KIAA0319L: variants seen among roughly 807,000 people sequenced by gnomAD.
KIAA0319L encodes the protein dyslexia-associated protein KIAA0319-like protein.
In KIAA0319L, 55 loss-of-function variants were observed where a neutral mutation model predicts 120.1. That is an observed-to-expected ratio of 0.46 (90% CI 0.37 to 0.57). The LOEUF (loss-of-function observed/expected upper bound fraction) is 0.57, where lower values mean the gene tolerates loss of function less well. KIAA0319L is among the 20% of genes least tolerant of loss of function. KIAA0319L has a pLI of 0.00. For missense variants in KIAA0319L, 1,049 were observed against 1,255.3 expected, an observed-to-expected ratio of 0.84 and a Z score of 2.48; for synonymous variants, 398 against 471.9, an observed-to-expected ratio of 0.84 and a Z score of 2.03.
rs1178911135 is a variant in KIAA0319L, at chr1:35,449,927, T to G, written c.2293A>C (p.Lys765Gln). Reference sequence around the variant, plus strand: ...CTCTCACCCTTTGCATCGGTCACTTTCAGGTGAAAAGTGTAGGTTCCCTCA... The same window carrying G: ...CTCTCACCCTTTGCATCGGTCACTTGCAGGTGAAAAGTGTAGGTTCCCTCA... ...LVEGTYTFHLKVTDAKGESDT... is the reference protein window; with the variant it reads ...LVEGTYTFHLQVTDAKGESDT... Residue 765 changes from lysine (K) to glutamine (Q), a missense_variant, in exon 15 of 21, where the codon AAA becomes CAA. Coordinates refer to ENST00000325722, the MANE Select transcript of KIAA0319L (RefSeq NM_024874.5). 1 of 1,614,042 alleles carries G rather than the reference T, an allele frequency of 6.2e-7. No homozygotes were observed. The highest frequency in any genetic ancestry group is 1.3e-5 in the African/African-American group (1 of 74,902).
At chr1:35,454,655 G>C in intron 10 of KIAA0319L, 170 bp from the exon 11 acceptor site, 1 of 1,402,314 alleles carries the variant, frequency 7.1e-7, no homozygotes, top group Non-Finnish European at 9.3e-7. Context: ...ATATCATGAG[G>C]CACCTTGCTA....
intron 2 of KIAA0319L, among the ~76,000 whole-genome samples, chr1:35,508,609 G>A (rs1279086527): frequency 6.6e-6 from 1 of 151,658 alleles, no homozygotes; most frequent in African/African-American, 2.4e-5. Flanking sequence ...AAAAAAAGAT[G>A]AAGAATACCA....
intron 4 of KIAA0319L, among the ~76,000 whole-genome samples, chr1:35,476,449 G>A (rs529563019): frequency 3.9e-5 from 6 of 152,302 alleles, no homozygotes; most frequent in Admixed American, 2.0e-4. Flanking sequence ...CCTGGGAGGC[G>A]AGAAGGGCTT....
intron 20 of KIAA0319L, among the ~76,000 whole-genome samples, chr1:35,435,868 T>C (rs1640747163): frequency 6.6e-6 from 1 of 152,174 alleles, no homozygotes; most frequent in South Asian, 2.1e-4. Flanking sequence ...GGCTGCCCTC[T>C]GGCTGGTGCA....
chr1:35,490,459 T>C (rs2148350975), intron 3 of KIAA0319L, among the ~76,000 whole-genome samples: 1 of 152,252 alleles, frequency 6.6e-6, no homozygotes, highest in Admixed American at 6.5e-5. Flanking sequence ...ATTTACAATG[T>C]CTAGCATTTA....
rs944241382 is a variant in KIAA0319L at position 35,434,823 on chromosome 1, G to A, written c.*71C>T. On this transcript the variant is annotated 3_prime_UTR_variant, in exon 21 of 21. Coordinates refer to ENST00000325722, the MANE Select transcript of KIAA0319L (RefSeq NM_024874.5). Reference sequence around the variant, plus strand: ...GCAGATGCTGGGACAGCAGCTGCCCGCAGACTCGGGAGGTAGGAGGACTGG... The same window carrying A: ...GCAGATGCTGGGACAGCAGCTGCCCACAGACTCGGGAGGTAGGAGGACTGG... 1.7e-5 allele frequency: 23 copies of A among 1,375,408 alleles called. No homozygotes were observed. Among genetic ancestry groups the A allele is most frequent in the African/African-American group, 5.8e-5 (4 of 68,828 alleles). 85.2% of individuals were successfully genotyped at this position (1,375,408 alleles called of 1,614,324 possible).
At chr1:35,483,192 T>A (rs1644243505) in intron 3 of KIAA0319L, among the ~76,000 whole-genome samples, 1 of 152,198 alleles carries the variant, frequency 6.6e-6, no homozygotes, top group South Asian at 2.1e-4. Flanking sequence ...GTCTGTATCT[T>A]CCTTTTTCGT....
At chr1:35,457,183 AG>A (rs1477058547) in intron 9 of KIAA0319L, among the ~76,000 whole-genome samples, 7 of 152,076 alleles carry the variant, frequency 4.6e-5, no homozygotes, top group African/African-American at 1.5e-4. Flanking sequence ...AACCCACCCA[AG>A]GGCTATATAG....
At chr1:35,500,805 C>G (rs1184479580) in intron 3 of KIAA0319L, among the ~76,000 whole-genome samples, 1 of 152,190 alleles carries the variant, frequency 6.6e-6, no homozygotes, top group East Asian at 1.9e-4. Flanking sequence ...AATGCCAAGG[C>G]AATTCTCAAT....
At chr1:35,473,294 C>T (rs1288354251) in intron 5 of KIAA0319L, among the ~76,000 whole-genome samples, 1 of 151,476 alleles carries the variant, frequency 6.6e-6, no homozygotes, top group Non-Finnish European at 1.5e-5. Context: ...GATGGGGTTT[C>T]GCCACGTTGG....
chr1:35,532,169 G>A (rs1646394186), intron 2 of KIAA0319L, among the ~76,000 whole-genome samples: 1 of 151,564 alleles, frequency 6.6e-6, no homozygotes, highest in Admixed American at 6.6e-5. Context: ...TTGAACACAG[G>A]AGGCAGAGGT....
In KIAA0319L at chr1:35,526,359, A is replaced by G. The variant is rs537049705; in HGVS notation, c.143-19224T>C. Reference sequence around the variant, plus strand: ...TGTATATATGTACGTGTGTGTGTGTATATATATACATACATATATATATAC... The same window carrying G: ...TGTATATATGTACGTGTGTGTGTGTGTATATATACATACATATATATATAC... On this transcript the variant is annotated intron_variant, in intron 2 of 20. Coordinates refer to ENST00000325722, the MANE Select transcript of KIAA0319L (RefSeq NM_024874.5). 1.5e-4 allele frequency among the ~76,000 whole-genome samples: 22 copies of G among 143,352 alleles called. 1 individual carries two copies. Among genetic ancestry groups the G allele is most frequent in the East Asian group, 4.1e-4 (2 of 4,884 alleles). The allele number at this position is 143,352 out of a possible 152,430, so 94.0% of individuals were successfully genotyped here.
At chr1:35,485,532 T>C (rs1277154114) in intron 3 of KIAA0319L, among the ~76,000 whole-genome samples, 1 of 152,250 alleles carries the variant, frequency 6.6e-6, no homozygotes. Context: ...CTCCTGCACA[T>C]GCAGGTAACT....
Position 35,474,946 on chromosome 1 carries a change from C to G in KIAA0319L, c.914-40G>C, listed in dbSNP as rs1008637400. The G allele has an allele frequency of 1.2e-5, 13 of 1,109,160 alleles. No individual in the cohort carries two copies. In the Admixed American group the frequency reaches 1.3e-4, roughly 11 times the overall value. 68.7% of individuals were successfully genotyped at this position (1,109,160 alleles called of 1,614,324 possible). On this transcript the variant is annotated intron_variant, in intron 4 of 20. Transcript: ENST00000325722. ...AATATACCAGAGATAAGAAATAGATCCAGACTGTCTTATTTCTCTCTTTCT... is the reference window on the plus strand; with the variant it reads ...AATATACCAGAGATAAGAAATAGATGCAGACTGTCTTATTTCTCTCTTTCT...
chr1:35,527,955 G>T (rs1435408308), intron 2 of KIAA0319L, among the ~76,000 whole-genome samples: 1 of 151,408 alleles, frequency 6.6e-6, no homozygotes. Flanking sequence ...GTTCCTTAAG[G>T]TCCATCATTA....
chr1:35,485,728 C>T (rs1467864373), intron 3 of KIAA0319L, among the ~76,000 whole-genome samples: 1 of 152,200 alleles, frequency 6.6e-6, no homozygotes, highest in Non-Finnish European at 1.5e-5. Flanking sequence ...TTTTAGTTGG[C>T]AAAGCTGTGA....
chr1:35,478,869 T>C, intron 4 of KIAA0319L, 97 bp downstream of exon 4: 2 of 1,404,748 alleles, frequency 1.4e-6, no homozygotes, highest in Admixed American at 1.9e-5. Flanking sequence ...ACACACAGTA[T>C]TCAAGTTATG....
At chr1:35,531,833 T>C (rs1008455382) in intron 2 of KIAA0319L, among the ~76,000 whole-genome samples, 1 of 152,150 alleles carries the variant, frequency 6.6e-6, no homozygotes, top group Non-Finnish European at 1.5e-5. Context: ...GGCCCTTATA[T>C]CTTCGACAAT....
rs959901391 is a variant in KIAA0319L at position 35,434,650 on chromosome 1, G to A, written c.*244C>T. The A allele has an allele frequency of 2.1e-5, 10 of 478,698 alleles. No individual in the cohort carries two copies. The highest frequency in any genetic ancestry group is 3.7e-5 in the Non-Finnish European group (10 of 273,674). 29.7% of individuals were successfully genotyped at this position (478,698 alleles called of 1,614,324 possible). On this transcript the variant is annotated 3_prime_UTR_variant, in exon 21 of 21. Coordinates refer to ENST00000325722, the MANE Select transcript of KIAA0319L (RefSeq NM_024874.5). Reference sequence around the variant, plus strand: ...AGGGGAGGAGTTTGCAAAAAAAGGAGGCCCTGAGGTGAGGATATCTGGGGG... The same window carrying A: ...AGGGGAGGAGTTTGCAAAAAAAGGAAGCCCTGAGGTGAGGATATCTGGGGG...
Sources: allele counts gnomAD v4.1 joint callset (sites outside exome capture counted in the v4.1 genomes callset), GRCh38; gene constraint gnomAD v4.1.1; transcripts MANE v1.5; gene names NCBI Gene and HGNC (gene_info 2026-07-23, HGNC 2026-07-21).